Variants in CPLANE1 observed in about 807,000 individuals in gnomAD.
CPLANE1 encodes the protein ciliogenesis and planar polarity effector complex subunit 1.
Under a neutral mutation model 362.5 loss-of-function variants are expected in CPLANE1, and 263 were observed. That is an observed-to-expected ratio of 0.73 (90% CI 0.66 to 0.80). The LOEUF is 0.80. Among genes scored for constraint, CPLANE1 ranks in the 30% least tolerant of loss-of-function variants. The pLI, the probability that CPLANE1 is intolerant of heterozygous loss-of-function variation, is 0.00. For synonymous variants in CPLANE1, 1,212 were observed against 1,302.6 expected (o/e 0.93, Z 1.50); for missense variants, 3,461 against 3,793.4 (o/e 0.91, Z 2.30).
At chr5:37,127,293 G>A (rs545546420) in intron 46 of CPLANE1, among the ~76,000 whole-genome samples, 1 of 152,014 alleles carries the variant, frequency 6.6e-6, no homozygotes, top group East Asian at 1.9e-4. Context: ...CCAGCACAGG[G>A]TCAGATCTAC....
intron 13 of CPLANE1, 84 bp from the exon 14 acceptor site, chr5:37,224,417 G>T: frequency 7.8e-7 from 1 of 1,283,464 alleles, no homozygotes; most frequent in South Asian, 1.4e-5. Context: ...CCAGTTAATG[G>T]AGCTCAGCCA....
At chr5:37,227,137 T>C in intron 11 of CPLANE1, 64 bp from the exon 12 acceptor site, 1 of 1,502,640 alleles carries the variant, frequency 6.7e-7, no homozygotes, top group Non-Finnish European at 8.9e-7. Flanking sequence ...TAGCATCACT[T>C]TGGCGTTCTT....
At position 37,186,365 on chromosome 5, in the gene CPLANE1, G is replaced by C. The variant is rs1236308373; in HGVS notation, c.4110C>G (p.Pro1370=). 1.2e-6 allele frequency: 2 copies of C among 1,600,498 alleles called. No individual in the cohort carries two copies. Among genetic ancestry groups the C allele is most frequent in the Non-Finnish European group, 1.7e-6 (2 of 1,169,116 alleles). The change falls in exon 24 of 53, where the codon CCC becomes CCG. Residue 1370 remains proline, a synonymous_variant. Coordinates refer to ENST00000651892, the MANE Select transcript of CPLANE1 (RefSeq NM_001384732.1). ...AAGGAACCCTCACGTCCTCAGGATA[G>C]GGAAATGCTTTCACGAAAATTTCTG... ...KVAEIFVKAF[P]YPEDVRVPLR... is the part of the protein sequence containing the mutation.
chr5:37,147,290 A>AT (rs1453212667), intron 43 of CPLANE1, among the ~76,000 whole-genome samples: 2 of 152,232 alleles, frequency 1.3e-5, no homozygotes, highest in African/African-American at 4.8e-5. Context: ...CTAAGGATTG[A>AT]TATCATCATA....
At chr5:37,154,566 G>A (rs1205129848) in intron 41 of CPLANE1, among the ~76,000 whole-genome samples, 1 of 147,494 alleles carries the variant, frequency 6.8e-6, no homozygotes, top group African/African-American at 2.5e-5. Context: ...CTCCCAAAGT[G>A]CTGGATTACA....
intron 47 of CPLANE1, among the ~76,000 whole-genome samples, chr5:37,123,615 C>T (rs1240744366): frequency 6.6e-6 from 1 of 152,186 alleles, no homozygotes; most frequent in Non-Finnish European, 1.5e-5. Flanking sequence ...ATCTTCTCAA[C>T]TGGGCACAAG....
chr5:37,114,898 C>CAA (rs11286555), intron 51 of CPLANE1, 62 bp downstream of exon 51: 1,119 of 854,964 alleles, frequency 1.3e-3, no homozygotes, highest in Admixed American at 3.2e-3. Flanking sequence ...GACTCTGTCT[C>CAA]AAAAAAAAAA....
In CPLANE1 at chr5:37,245,788, A is replaced by T. The variant is rs952769625; in HGVS notation, c.139T>A (p.Ser47Thr). The T allele has an allele frequency of 3.9e-6, 6 of 1,532,304 alleles. No homozygotes were observed. The African/African-American group carries it at 4.2e-5, about 11-fold the overall frequency. 94.9% of individuals were successfully genotyped at this position (1,532,304 alleles called of 1,614,324 possible). The change falls in exon 3 of 53, where the codon TCA becomes ACA. Residue 47 changes from serine (S) to threonine (T), a missense_variant. Coordinates refer to ENST00000651892, the MANE Select transcript of CPLANE1 (RefSeq NM_001384732.1). ...GGAATTTTCTTCTTTATCTTTCCTG[A>T]TAGCAAATTAATTTCATTTATGAAT... is the stretch of plus-strand genomic sequence containing the variant. Reference protein sequence around the residue: ...DKFINEINLLSGKIKKKIPSL... With the variant: ...DKFINEINLLTGKIKKKIPSL...
chr5:37,085,439 C>A, the CPLANE1 span: 3 of 924,648 alleles, frequency 3.2e-6, no homozygotes, highest in South Asian at 1.3e-5. Flanking sequence ...TGAGAAAAAT[C>A]TTTGTGGGCA....
At position 37,246,098 on chromosome 5, in the gene CPLANE1, T is replaced by A. The variant is rs965247298; in HGVS notation, c.82-253A>T. The stretch of plus-strand genomic sequence containing the variant: ...TTTCAATTTCTTTGAAGTTTAAAAT[T>A]ATAGGAGTGTCCTCTAATTCTGCTA... On this transcript the variant is annotated intron_variant, in intron 2 of 52. Coordinates refer to ENST00000651892, the MANE Select transcript of CPLANE1 (RefSeq NM_001384732.1). The A allele has an allele frequency of 4.7e-5, 12 of 254,788 alleles. No individual in the cohort carries two copies. In the Admixed American group the frequency reaches 6.6e-4, roughly 14 times the overall value. The allele number at this position is 254,788 out of a possible 1,614,324, so 15.8% of individuals were successfully genotyped here. A position where few individuals can be genotyped will look rare whatever the true frequency, so the allele number is the denominator to read the frequency against.
At position 37,121,477 on chromosome 5, in the gene CPLANE1, GA is replaced by G. The variant is rs1762605264; in HGVS notation, c.9185+139del. ...CAATGTATAAAGACCTCATGATTAT[GA>G]GGCTACTTTTTTCCTTTATCATCAT... is the stretch of plus-strand genomic sequence containing the variant. On this transcript the variant is annotated intron_variant, in intron 49 of 52. Transcript: ENST00000651892. 7 of 738,998 alleles carry G rather than the reference GA, an allele frequency of 9.5e-6. No individual in the cohort carries two copies. In the South Asian group the frequency reaches 9.6e-5, roughly 10 times the overall value. The allele number at this position is 738,998 out of a possible 1,614,324, so 45.8% of individuals were successfully genotyped here.
At position 37,180,837 on chromosome 5, in the gene CPLANE1, G is replaced by A. The variant is rs768747934; in HGVS notation, c.5570+20C>T. 5.6e-6 allele frequency: 9 copies of A among 1,609,572 alleles called. No homozygotes were observed. In the South Asian group the frequency reaches 9.9e-5, roughly 18 times the overall value. On this transcript the variant is annotated intron_variant, in intron 27 of 52. Transcript: ENST00000651892. ...ACTACATGTCTTATATTGAAAAGAA[G>A]AGTATAATCGGCAACTTACTTCAAG...
intron 28 of CPLANE1, among the ~76,000 whole-genome samples, 197 bp from the exon 29 acceptor site, chr5:37,179,640 C>A (rs1010489811): frequency 2.0e-5 from 3 of 152,100 alleles, no homozygotes; most frequent in Admixed American, 6.5e-5. Flanking sequence ...CCTTGAGAGG[C>A]CTTATTATTC....
chr5:37,147,963 T>G (rs1561404074), intron 43 of CPLANE1, among the ~76,000 whole-genome samples: 1 of 96,088 alleles, frequency 1.0e-5, no homozygotes, highest in Non-Finnish European at 1.8e-5. Flanking sequence ...AGGAGGTTAC[T>G]GCCTTCTCAA....
rs575552284 is a variant in CPLANE1 at position 37,190,638 on chromosome 5, A to G, written c.3812-2796T>C. 2.6e-5 allele frequency among the ~76,000 whole-genome samples: 4 copies of G among 152,334 alleles called. No homozygotes were observed. In the South Asian group the frequency reaches 8.3e-4, roughly 32 times the overall value. ...AAACTATAGAAAAGACATATTTGAA[A>G]TTATCAAGTAAATTTAAACATGGGA... On this transcript the variant is annotated intron_variant, in intron 21 of 52. Transcript: ENST00000651892.
At chr5:37,177,746 A>T in intron 29 of CPLANE1, 46 bp from the exon 30 acceptor site, 2 of 1,405,820 alleles carry the variant, frequency 1.4e-6, no homozygotes, top group Non-Finnish European at 2.0e-6. Flanking sequence ...TAAAACAAAT[A>T]GGTATTACTG....
rs768045559 is a variant in CPLANE1, at chr5:37,120,226, A to T, written c.9300T>A (p.Pro3100=). The T allele has an allele frequency of 1.1e-5, 18 of 1,602,272 alleles. No individual in the cohort carries two copies. Among genetic ancestry groups the T allele is most frequent in the Non-Finnish European group, 1.4e-5 (17 of 1,177,144 alleles). The change falls in exon 50 of 53, where the codon CCT becomes CCA. Residue 3100 remains proline, a synonymous_variant. Transcript: ENST00000651892. Reference sequence around the variant, plus strand: ...AGCTTTAAGTCTTACCATGTGGCCAAGGTGAGCCTTGAGGTTGCCCAAAAG... The same window carrying T: ...AGCTTTAAGTCTTACCATGTGGCCATGGTGAGCCTTGAGGTTGCCCAAAAG... ...RKSFGQPQGS[P]WPHGTATFTI...
intron 50 of CPLANE1, among the ~76,000 whole-genome samples, 153 bp from the exon 51 acceptor site, chr5:37,115,202 T>C (rs544754733): frequency 3.8e-4 from 58 of 152,320 alleles, no homozygotes; most frequent in African/African-American, 1.3e-3. Context: ...TGGTGGCTGG[T>C]TTGAACCAAG....
intron 52 of CPLANE1, among the ~76,000 whole-genome samples, chr5:37,108,003 G>A (rs1291784673): frequency 6.6e-6 from 1 of 152,192 alleles, no homozygotes; most frequent in African/African-American, 2.4e-5. Context: ...GGCACCAGAT[G>A]TGAAGACAGG....
Sources: allele counts gnomAD v4.1 joint callset (sites outside exome capture counted in the v4.1 genomes callset), GRCh38; gene constraint gnomAD v4.1.1; transcripts MANE v1.5; gene names NCBI Gene and HGNC (gene_info 2026-07-23, HGNC 2026-07-21).